The following PGAP1 variants were observed in gnomAD, a reference collection of about 807,000 sequenced individuals.
PGAP1 encodes post-GPI attachment to proteins inositol deacylase 1, also known as GPI inositol-deacylase.
A neutral mutation model predicts 127.0 loss-of-function variants in PGAP1; 76 were observed. The observed-to-expected ratio is 0.60, with a 90% CI of 0.50 to 0.72. The LOEUF (loss-of-function observed/expected upper bound fraction) is 0.72, where lower values mean the gene tolerates loss of function less well. Among genes scored for constraint, PGAP1 ranks in the 30% least tolerant of loss-of-function variants. PGAP1 has a pLI of 0.00. For synonymous variants in PGAP1, 362 were observed against 366.5 expected (o/e 0.99, Z 0.14); for missense variants, 982 against 1,071.3 (o/e 0.92, Z 1.16).
chr2:196,858,741 G>A (rs1041959484), intron 20 of PGAP1, among the ~76,000 whole-genome samples: 12 of 151,562 alleles, frequency 7.9e-5, no homozygotes, highest in African/African-American at 2.7e-4. Context: ...CCAGCTTCAG[G>A]GAAAAACAAA....
intron 2 of PGAP1, among the ~76,000 whole-genome samples, chr2:196,919,433 T>C (rs926511848): frequency 6.6e-6 from 1 of 152,204 alleles, no homozygotes; most frequent in Non-Finnish European, 1.5e-5. Flanking sequence ...GGTTTTAGTT[T>C]AAAACGAAAT....
intron 13 of PGAP1, among the ~76,000 whole-genome samples, chr2:196,878,239 T>TGA (rs970458584): frequency 6.6e-6 from 1 of 152,186 alleles, no homozygotes; most frequent in African/African-American, 2.4e-5. Context: ...CTATACATAA[T>TGA]CACATATCTT....
intron 21 of PGAP1, 115 bp downstream of exon 21, chr2:196,847,832 A>T: frequency 1.4e-6 from 1 of 699,626 alleles, no homozygotes; most frequent in Non-Finnish European, 2.2e-6. Context: ...AACCTCATTT[A>T]ATGAAACAAG....
chr2:196,897,150 A>G lies in PGAP1; in HGVS notation c.908T>C (p.Ile303Thr). Reference protein sequence around the residue: ...LTTVRAFFDLIDADTKQITQN... With the variant: ...LTTVRAFFDLTDADTKQITQN... ...ACATACTTGTTTAGTATCAGCATCA[A>G]TAAGATCAAAGAATGCTCGAACTGT... The change falls in exon 7 of 27, where the codon ATT (isoleucine) becomes ACT (threonine). Residue 303 changes from isoleucine (I) to threonine (T), a missense_variant. By Grantham distance (89) the Ile-to-Thr change is moderately conservative (BLOSUM62 -1). Transcript: ENST00000354764. 1 of 1,578,054 alleles carries G rather than the reference A, an allele frequency of 6.3e-7. No individual in the cohort carries two copies. The highest frequency in any genetic ancestry group is 8.6e-7 in the Non-Finnish European group (1 of 1,156,684).
intron 12 of PGAP1, among the ~76,000 whole-genome samples, chr2:196,881,878 C>T (rs757389160): frequency 1.3e-5 from 2 of 152,092 alleles, no homozygotes; most frequent in Non-Finnish European, 2.9e-5. Flanking sequence ...AATTACATCC[C>T]ATTTGTCAAT....
intron 4 of PGAP1, among the ~76,000 whole-genome samples, chr2:196,904,305 GCT>G (rs1275653098): frequency 2.0e-5 from 3 of 152,082 alleles, no homozygotes; most frequent in Admixed American, 6.6e-5. Flanking sequence ...GCACATGCAA[GCT>G]CTGTCTGTAC....
chr2:196,894,999 A>G (rs1468295870), intron 7 of PGAP1, among the ~76,000 whole-genome samples: 1 of 152,126 alleles, frequency 6.6e-6, no homozygotes, highest in East Asian at 1.9e-4. Context: ...TTCCCTGAAT[A>G]TATATGTTCT....
chr2:196,888,865 T>C (rs1227551758), intron 10 of PGAP1, among the ~76,000 whole-genome samples: 4 of 152,158 alleles, frequency 2.6e-5, no homozygotes, highest in African/African-American at 2.4e-5. Context: ...GATGAACTAA[T>C]AAAATGCCCA....
chr2:196,895,941 C>A (rs1051805017), intron 7 of PGAP1, among the ~76,000 whole-genome samples: 2 of 152,056 alleles, frequency 1.3e-5, no homozygotes, highest in Non-Finnish European at 2.9e-5. Flanking sequence ...AAAGAAGAAG[C>A]CAGAGCCATA....
At position 196,837,479 on chromosome 2, in the gene PGAP1, G is replaced by A. The variant is rs1169076438; in HGVS notation, c.*3755C>T. 1.3e-5 allele frequency: 2 copies of A among 152,086 alleles called. No individual in the cohort carries two copies. 9.4% of individuals were successfully genotyped at this position (152,086 alleles called of 1,614,324 possible). ...CTCGTCTCTACAAAAAAATTAAAAA[G>A]TCAGGCACAGTGGCATGTACCTGTA... On this transcript the variant is annotated 3_prime_UTR_variant, in exon 27 of 27. Transcript: ENST00000354764.
chr2:196,921,988 C>A (rs949142316), intron 1 of PGAP1: 4 of 269,818 alleles, frequency 1.5e-5, no homozygotes, highest in Non-Finnish European at 2.4e-5. Flanking sequence ...AAACAGAAGA[C>A]GGTCAAGGGA....
chr2:196,895,045 G>C (rs1702228780), intron 7 of PGAP1, among the ~76,000 whole-genome samples: 1 of 152,062 alleles, frequency 6.6e-6, no homozygotes, highest in African/African-American at 2.4e-5. Flanking sequence ...CTGAGGGTTA[G>C]ATATCATACC....
At chr2:196,854,492 T>C (rs1236975466) in intron 20 of PGAP1, among the ~76,000 whole-genome samples, 1 of 152,224 alleles carries the variant, frequency 6.6e-6, no homozygotes, top group Non-Finnish European at 1.5e-5. Flanking sequence ...TTTGTATGGA[T>C]ATGTTATTGA....
chr2:196,916,308 C>G, intron 3 of PGAP1, 110 bp downstream of exon 3: 1 of 1,054,686 alleles, frequency 9.5e-7, no homozygotes. Context: ...TGTGCCTTCT[C>G]TGCTTCAACT....
chr2:196,926,036 G>T (rs1001362161), intron 1 of PGAP1, among the ~76,000 whole-genome samples: 5 of 152,114 alleles, frequency 3.3e-5, no homozygotes, highest in Non-Finnish European at 7.4e-5. Context: ...AGGCGCGTGG[G>T]AAGCAAAGGA....
intron 16 of PGAP1, among the ~76,000 whole-genome samples, chr2:196,873,298 T>C (rs1044322167): frequency 2.0e-5 from 3 of 152,086 alleles, no homozygotes; most frequent in Non-Finnish European, 4.4e-5. Flanking sequence ...TAAAGATATA[T>C]GGCATTTTTA....
intron 19 of PGAP1, among the ~76,000 whole-genome samples, chr2:196,870,027 T>G (rs1701364465): frequency 6.6e-6 from 1 of 152,210 alleles, no homozygotes; most frequent in Non-Finnish European, 1.5e-5. Context: ...GTTATCTTAT[T>G]TATGTCCAGG....
At chr2:196,862,467 T>C (rs951126091) in intron 20 of PGAP1, among the ~76,000 whole-genome samples, 3 of 152,186 alleles carry the variant, frequency 2.0e-5, no homozygotes, top group African/African-American at 7.2e-5. Flanking sequence ...CCTGCCTCCA[T>C]TTGCCTTGTG....
At chr2:196,921,838 A>G (rs190946647) in intron 1 of PGAP1, among the ~76,000 whole-genome samples, 2 of 152,298 alleles carry the variant, frequency 1.3e-5, no homozygotes, top group Non-Finnish European at 2.9e-5. Context: ...AGGAGGCAAG[A>G]ATGGTGGGAG....
Sources: gnomAD v4.1 joint callset for allele counts (sites outside exome capture counted in the v4.1 genomes callset) on GRCh38, gnomAD v4.1.1 for gene constraint, MANE v1.5 for transcripts, NCBI Gene and HGNC (gene_info 2026-07-23, HGNC 2026-07-21) for gene names.